The following AGBL4 variants were observed in gnomAD, a reference collection of about 807,000 sequenced individuals.
The protein encoded by AGBL4 is cytosolic carboxypeptidase 6.
AGBL4 carries 58 observed loss-of-function variants against 66.4 expected under a neutral mutation model. That is an observed-to-expected ratio of 0.87 (90% CI 0.71 to 1.09). The LOEUF is 1.09. AGBL4 is among the 50% of genes least tolerant of loss of function. The pLI, the probability that AGBL4 is intolerant of heterozygous loss-of-function variation, is 0.00. For synonymous variants in AGBL4, 234 were observed against 222.9 expected (o/e 1.05, Z -0.44); for missense variants, 579 against 631.0 (o/e 0.92, Z 0.88).
chr1:49,281,519 A>G (rs1183612369), intron 3 of AGBL4, among the ~76,000 whole-genome samples: 1 of 152,230 alleles, frequency 6.6e-6, no homozygotes, highest in East Asian at 1.9e-4. Flanking sequence ...AAGGAAGGAT[A>G]GGGCTTAAAA....
intron 2 of AGBL4, among the ~76,000 whole-genome samples, chr1:49,772,038 T>C (rs758409331): frequency 1.1e-4 from 16 of 152,100 alleles, no homozygotes; most frequent in Non-Finnish European, 1.9e-4. Context: ...CATTGTTTTG[T>C]AGATCCCTTC....
At chr1:48,890,441 G>T (rs1283466274) in intron 5 of AGBL4, among the ~76,000 whole-genome samples, 1 of 152,166 alleles carries the variant, frequency 6.6e-6, no homozygotes. Flanking sequence ...ATTTATTGGA[G>T]TAAGAATCTA....
intron 3 of AGBL4, among the ~76,000 whole-genome samples, chr1:49,501,097 G>T (rs539710953): frequency 1.3e-5 from 2 of 152,076 alleles, no homozygotes; most frequent in Admixed American, 1.3e-4. Flanking sequence ...TTCTTGATTA[G>T]GTATATTGCT....
At chr1:49,655,350 C>T (rs919969607) in intron 3 of AGBL4, among the ~76,000 whole-genome samples, 3 of 152,188 alleles carry the variant, frequency 2.0e-5, no homozygotes, top group African/African-American at 4.8e-5. Context: ...CCCAACCTTT[C>T]TCTCTGGCTG....
chr1:49,906,465 T>C (rs1189862234), intron 1 of AGBL4, among the ~76,000 whole-genome samples: 1 of 152,068 alleles, frequency 6.6e-6, no homozygotes. Flanking sequence ...TACACAACTA[T>C]TCAATGCCAG....
At chr1:49,873,010 G>C (rs1266227855) in intron 1 of AGBL4, among the ~76,000 whole-genome samples, 1 of 151,228 alleles carries the variant, frequency 6.6e-6, no homozygotes, top group Non-Finnish European at 1.5e-5. Flanking sequence ...CCCATTTTAA[G>C]ATATGCTTTT....
chr1:48,610,634 TCATTATGC>T (rs1645223403), intron 9 of AGBL4, among the ~76,000 whole-genome samples: 1 of 152,226 alleles, frequency 6.6e-6, no homozygotes, highest in Non-Finnish European at 1.5e-5. Context: ...ATCTTCCTTG[TCATTATGC>T]ACATTTAGAT....
chr1:49,415,700 T>C lies in AGBL4; in HGVS notation c.283-169836A>G, dbSNP rs542178867. ...GGTTAATGACATGATCTGGATAGTA[T>C]TTTAGAACTATCACTCTGACAAGTA... On this transcript the variant is annotated intron_variant, in intron 3 of 13. Coordinates refer to ENST00000371839, the MANE Select transcript of AGBL4 (RefSeq NM_032785.4). 1.1e-3 allele frequency among the ~76,000 whole-genome samples: 172 copies of C among 152,222 alleles called. 1 individual carries two copies. The highest frequency in any genetic ancestry group is 3.9e-3 in the African/African-American group (164 of 41,558).
At chr1:49,160,986 C>G (rs1485697285) in intron 4 of AGBL4, among the ~76,000 whole-genome samples, 1 of 152,208 alleles carries the variant, frequency 6.6e-6, no homozygotes. Context: ...GCTTTCTGGG[C>G]TCCCTCGGGG....
rs186015471 is a variant in AGBL4, at chr1:49,874,786, C to G, written c.35-23268G>C. Among the ~76,000 whole-genome samples, 10 of 152,130 alleles carry G rather than the reference C, an allele frequency of 6.6e-5. No homozygotes were observed. The East Asian group carries it at 1.9e-3, about 29-fold the overall frequency. ...TGTACATCACACTCCACTTCTCTAA[C>G]AATTTTTGTTATTTCTATTATTTTT... is the stretch of plus-strand genomic sequence containing the variant. On this transcript the variant is annotated intron_variant, in intron 1 of 13. Coordinates refer to ENST00000371839, the MANE Select transcript of AGBL4 (RefSeq NM_032785.4).
At chr1:48,522,925 C>CAA in the AGBL4 span, among the ~76,000 whole-genome samples, 1 of 133,688 alleles carries the variant, frequency 7.5e-6, no homozygotes, top group Non-Finnish European at 1.6e-5. Context: ...GACTCCATCT[C>CAA]AAAAAAAAAA....
At chr1:48,994,408 A>G (rs964461127) in intron 5 of AGBL4, among the ~76,000 whole-genome samples, 1 of 152,216 alleles carries the variant, frequency 6.6e-6, no homozygotes, top group Non-Finnish European at 1.5e-5. Flanking sequence ...ATAACACTAC[A>G]TTATACCATA....
intron 5 of AGBL4, among the ~76,000 whole-genome samples, chr1:48,919,858 A>C (rs1040837102): frequency 6.6e-6 from 1 of 152,238 alleles, no homozygotes; most frequent in African/African-American, 2.4e-5. Context: ...AAGGGATCTC[A>C]CTGGGTTGTA....
intron 2 of AGBL4, among the ~76,000 whole-genome samples, chr1:49,831,318 C>T (rs932754260): frequency 1.3e-5 from 2 of 152,100 alleles, no homozygotes; most frequent in African/African-American, 2.4e-5. Flanking sequence ...TGAAGAGGTC[C>T]TTCACATCCC....
At chr1:48,591,096 C>CCG in intron 9 of AGBL4, 111 bp from the exon 10 acceptor site, 1 of 747,354 alleles carries the variant, frequency 1.3e-6, no homozygotes, top group Non-Finnish European at 2.0e-6. Flanking sequence ...ACCCACCCCC[C>CCG]CCCACACACA....
intron 4 of AGBL4, among the ~76,000 whole-genome samples, chr1:49,079,635 G>C (rs1181971204): frequency 6.6e-6 from 1 of 152,186 alleles, no homozygotes; most frequent in Admixed American, 6.5e-5. Flanking sequence ...TAGGGACACA[G>C]AGCCAAACCA....
chr1:49,444,329 G>T (rs768430201), intron 3 of AGBL4, among the ~76,000 whole-genome samples: 3 of 151,992 alleles, frequency 2.0e-5, no homozygotes, highest in Non-Finnish European at 4.4e-5. Flanking sequence ...TTTCTGTCTA[G>T]ATGATCTGTC....
At chr1:49,557,874 C>A (rs1342188105) in intron 3 of AGBL4, among the ~76,000 whole-genome samples, 3 of 151,634 alleles carry the variant, frequency 2.0e-5, no homozygotes, top group Admixed American at 1.3e-4. Flanking sequence ...AAAGAGACCC[C>A]TTCCTTCTGC....
intron 6 of AGBL4, among the ~76,000 whole-genome samples, chr1:48,832,385 A>G (rs1012788058): frequency 9.9e-5 from 15 of 152,204 alleles, no homozygotes; most frequent in Non-Finnish European, 1.5e-4. Flanking sequence ...TCAGGGGAGA[A>G]CATGGCTTTC....
Sources: gnomAD v4.1 joint callset for allele counts (sites outside exome capture counted in the v4.1 genomes callset) on GRCh38, gnomAD v4.1.1 for gene constraint, MANE v1.5 for transcripts, NCBI Gene and HGNC (gene_info 2026-07-23, HGNC 2026-07-21) for gene names.